The following ELOVL4 variants were observed in gnomAD, a reference collection of about 807,000 sequenced individuals.
ELOVL4 encodes ELOVL fatty acid elongase 4.
Under a neutral mutation model 42.1 loss-of-function variants are expected in ELOVL4, and 18 were observed. That is an observed-to-expected ratio of 0.43 (90% CI 0.30 to 0.63). The LOEUF (loss-of-function observed/expected upper bound fraction) is 0.63. ELOVL4 is among the 30% of genes least tolerant of loss of function. The pLI is 0.15. For synonymous variants in ELOVL4, 117 were observed against 127.0 expected (o/e 0.92, Z 0.53); for missense variants, 299 against 376.2 (o/e 0.79, Z 1.70).
intron 1 of ELOVL4, among the ~76,000 whole-genome samples, chr6:79,945,279 G>A (rs1225423576): frequency 6.6e-6 from 1 of 152,310 alleles, no homozygotes; most frequent in East Asian, 1.9e-4. Flanking sequence ...CTAGTGAGAG[G>A]TCACTTGTGT....
chr6:79,917,393 T>C (rs550595129), intron 5 of ELOVL4, among the ~76,000 whole-genome samples: 1 of 152,260 alleles, frequency 6.6e-6, no homozygotes, highest in South Asian at 2.1e-4. Context: ...ACATTTTACA[T>C]TGGTTTCTTT....
intron 1 of ELOVL4, among the ~76,000 whole-genome samples, chr6:79,946,517 C>A (rs182847099): frequency 1.3e-5 from 2 of 152,346 alleles, no homozygotes; most frequent in Admixed American, 6.5e-5. Flanking sequence ...CCCCCTCCCC[C>A]TGACTGCACT....
Position 79,916,187 on chromosome 6 carries a change from CACT to C in ELOVL4, c.*418_*420del, listed in dbSNP as rs1317136687. The C allele has an allele frequency of 1.1e-5, 2 of 186,452 alleles. No homozygotes were observed. The highest frequency in any genetic ancestry group is 1.3e-4 in the East Asian group (1 of 7,528). The allele number at this position is 186,452 out of a possible 1,614,324, so 11.5% of individuals were successfully genotyped here. On this transcript the variant is annotated 3_prime_UTR_variant, in exon 6 of 6. Transcript: ENST00000369816. ...AGCTTTGGACAAGAAAATGTAACAC[CACT>C]GATTTCAGTCAGTAGATAAGATAAT...
intron 1 of ELOVL4, among the ~76,000 whole-genome samples, chr6:79,940,814 C>A (rs1490783277): frequency 6.6e-6 from 1 of 152,064 alleles, no homozygotes; most frequent in Admixed American, 6.6e-5. Flanking sequence ...TAATTTTATT[C>A]TTTAATATTA....
chr6:79,916,864 A>T lies in ELOVL4; in HGVS notation c.689T>A (p.Ile230Asn). 2 of 1,614,138 alleles carry T rather than the reference A, an allele frequency of 1.2e-6. No homozygotes were observed. The highest frequency in any genetic ancestry group is 1.7e-6 in the Non-Finnish European group (2 of 1,180,006). ...MLQLIQFHVT[I>N]GHTALSLYTD... is the part of the protein sequence containing the mutation. ...GTAAAGAGACAGTGCCGTGTGCCCA[A>T]TGGTCACATGGAATTGAATCTGAAA... is the stretch of plus-strand genomic sequence containing the variant. The change falls in exon 6 of 6, where the codon ATT becomes AAT. Residue 230 changes from isoleucine (I) to asparagine (N), a missense_variant. Physicochemically the swap from Ile to Asn is moderately radical, Grantham distance 149 (BLOSUM62 -3). Coordinates refer to ENST00000369816, the MANE Select transcript of ELOVL4 (RefSeq NM_022726.4).
chr6:79,944,826 T>C (rs1774708824), intron 1 of ELOVL4, among the ~76,000 whole-genome samples: 1 of 152,092 alleles, frequency 6.6e-6, no homozygotes, highest in South Asian at 2.1e-4. Flanking sequence ...CAAGACCATC[T>C]TTCTATCCCG....
chr6:79,937,158 C>T (rs533027825), intron 1 of ELOVL4, among the ~76,000 whole-genome samples: 5 of 152,278 alleles, frequency 3.3e-5, no homozygotes, highest in Admixed American at 6.5e-5. Context: ...TATGAGGGAG[C>T]AGGTGCCCTG....
At chr6:79,946,118 CAG>C (rs747062856) in intron 1 of ELOVL4, among the ~76,000 whole-genome samples, 1 of 152,252 alleles carries the variant, frequency 6.6e-6, no homozygotes, top group South Asian at 2.1e-4. Context: ...GTAGGGAAGG[CAG>C]AGTCATAAGA....
intron 3 of ELOVL4, among the ~76,000 whole-genome samples, 176 bp downstream of exon 3, chr6:79,924,776 A>G (rs1301650657): frequency 1.3e-5 from 2 of 152,178 alleles, no homozygotes; most frequent in Non-Finnish European, 2.9e-5. Context: ...TTGAGGCTGC[A>G]GTGAGCTATG....
At position 79,940,056 on chromosome 6, in the gene ELOVL4, T is replaced by C. The variant is rs1338829486; in HGVS notation, c.100+7124A>G. The stretch of plus-strand genomic sequence containing the variant: ...TTAACTACTGTGAATAATGCTGCTA[T>C]GTACGTGTGTGAAAAAATATATAAA... On this transcript the variant is annotated intron_variant, in intron 1 of 5. Coordinates refer to ENST00000369816, the MANE Select transcript of ELOVL4 (RefSeq NM_022726.4). Among the ~76,000 whole-genome samples the C allele has an allele frequency of 2.6e-5, 4 of 152,222 alleles. No homozygotes were observed. In the East Asian group the frequency reaches 5.8e-4, roughly 22 times the overall value.
At position 79,947,286 on chromosome 6, in the gene ELOVL4, G is replaced by T. The variant is rs370640128; in HGVS notation, c.-7C>A. Reference sequence around the variant, plus strand: ...CCGAGTCCAGGAGCCCCATCGCGGCGATGAGCGGGCGCTGGCGGCAGGAGA... The same window carrying T: ...CCGAGTCCAGGAGCCCCATCGCGGCTATGAGCGGGCGCTGGCGGCAGGAGA... On this transcript the variant is annotated 5_prime_UTR_variant, in exon 1 of 6. Coordinates refer to ENST00000369816, the MANE Select transcript of ELOVL4 (RefSeq NM_022726.4). 9 of 1,608,338 alleles carry T rather than the reference G, an allele frequency of 5.6e-6. No individual in the cohort carries two copies. Among genetic ancestry groups the T allele is most frequent in the African/African-American group, 2.7e-5 (2 of 74,798 alleles).
At chr6:79,917,080 A>T (rs978650858) in intron 5 of ELOVL4, among the ~76,000 whole-genome samples, 197 bp from the exon 6 acceptor site, 8 of 152,066 alleles carry the variant, frequency 5.3e-5, no homozygotes, top group Non-Finnish European at 1.0e-4. Flanking sequence ...CTCTGACAAG[A>T]CTTCAATTTC....
rs1432606899 is a variant in ELOVL4, at chr6:79,946,911, T to C, written c.100+269A>G. 2.6e-5 allele frequency among the ~76,000 whole-genome samples: 4 copies of C among 152,100 alleles called. No individual in the cohort carries two copies. In the South Asian group the frequency reaches 6.2e-4, roughly 24 times the overall value. On this transcript the variant is annotated intron_variant, in intron 1 of 5. Coordinates refer to ENST00000369816, the MANE Select transcript of ELOVL4 (RefSeq NM_022726.4). ...TCCTGGCTGCACAGGCTCCATCTGA[T>C]ATGTCAGCTCCCGCATCCGAGAGCT...
intron 1 of ELOVL4, among the ~76,000 whole-genome samples, chr6:79,941,771 T>G (rs532162290): frequency 6.6e-6 from 1 of 152,218 alleles, no homozygotes; most frequent in Non-Finnish European, 1.5e-5. Flanking sequence ...AACCACAATA[T>G]ATCATGATTC....
At chr6:79,932,442 G>A (rs1008486999) in intron 1 of ELOVL4, among the ~76,000 whole-genome samples, 2 of 152,154 alleles carry the variant, frequency 1.3e-5, no homozygotes, top group East Asian at 3.9e-4. Context: ...CTACTCGGGA[G>A]GCTGAGGCAG....
At chr6:79,933,419 C>T (rs12199911) in intron 1 of ELOVL4, among the ~76,000 whole-genome samples, 54,792 of 151,712 alleles carry the variant, frequency 0.36, 10,718 homozygotes, top group Non-Finnish European at 0.46. Context: ...TTTGTAGAGA[C>T]GAGGATTCGC....
chr6:79,939,400 T>G (rs1277950493), intron 1 of ELOVL4, among the ~76,000 whole-genome samples: 1 of 152,116 alleles, frequency 6.6e-6, no homozygotes, highest in Non-Finnish European at 1.5e-5. Flanking sequence ...CTTTTCTATC[T>G]TGAAAAACTG....
intron 1 of ELOVL4, among the ~76,000 whole-genome samples, chr6:79,932,458 T>C (rs900755549): frequency 1.3e-5 from 2 of 151,768 alleles, no homozygotes; most frequent in Non-Finnish European, 2.9e-5. Flanking sequence ...GGCAGGAGAA[T>C]TGCTTGAATC....
intron 1 of ELOVL4, among the ~76,000 whole-genome samples, chr6:79,931,877 A>T (rs1179122565): frequency 6.6e-6 from 1 of 152,212 alleles, no homozygotes; most frequent in African/African-American, 2.4e-5. Flanking sequence ...ACACAGAAGG[A>T]GTTGTCTCCT....
Sources: allele counts gnomAD v4.1 joint callset (sites outside exome capture counted in the v4.1 genomes callset), GRCh38; gene constraint gnomAD v4.1.1; transcripts MANE v1.5; gene names NCBI Gene and HGNC (gene_info 2026-07-23, HGNC 2026-07-21).